The following MAP3K7 variants were observed in gnomAD, a reference collection of about 807,000 sequenced individuals.
MAP3K7 encodes the protein TGF-beta activated kinase 1.
Under a neutral mutation model 84.8 loss-of-function variants are expected in MAP3K7, and 21 were observed. That is an observed-to-expected ratio of 0.25 (90% CI 0.18 to 0.36). The LOEUF (loss-of-function observed/expected upper bound fraction) is 0.36, where lower values mean the gene tolerates loss of function less well. Ranked by LOEUF, MAP3K7 falls within the 10% of genes least tolerant of loss-of-function variation. The pLI, the probability that MAP3K7 is intolerant of heterozygous loss-of-function variation, is 1.00. For missense variants in MAP3K7, 503 were observed against 747.7 expected, an observed-to-expected ratio of 0.67 and a Z score of 3.82; for synonymous variants, 241 against 247.7, an observed-to-expected ratio of 0.97 and a Z score of 0.25.
At chr6:90,563,665 C>A (rs530373765) in intron 3 of MAP3K7, among the ~76,000 whole-genome samples, 7 of 152,316 alleles carry the variant, frequency 4.6e-5, no homozygotes, top group African/African-American at 1.2e-4. Flanking sequence ...TCCAGGAGAA[C>A]TTCCCCAACC....
chr6:90,561,057 A>G (rs1382057763), intron 4 of MAP3K7, among the ~76,000 whole-genome samples: 1 of 151,782 alleles, frequency 6.6e-6, no homozygotes, highest in East Asian at 1.9e-4. Flanking sequence ...AAATAATACT[A>G]ATTAAAAAAT....
At chr6:90,552,288 T>A in intron 7 of MAP3K7, 109 bp from the exon 8 acceptor site, 1 of 1,024,864 alleles carries the variant, frequency 9.8e-7, no homozygotes, top group Non-Finnish European at 1.4e-6. Flanking sequence ...ATCTTGTAGT[T>A]TAAGATCTGT....
chr6:90,557,789 C>G (rs1371159017), intron 5 of MAP3K7, among the ~76,000 whole-genome samples: 3 of 152,196 alleles, frequency 2.0e-5, no homozygotes, highest in African/African-American at 7.2e-5. Flanking sequence ...AAATTCAGGG[C>G]TCACTGAAAT....
rs779104023 is a variant in MAP3K7, at chr6:90,516,517, C to T, written c.1805G>A (p.Arg602Gln). Reference protein sequence around the residue: ...LEVIRSQQQKRQGTS With the variant: ...LEVIRSQQQKQQGTS ...CCCAGAGAATCATGAAGTGCCTTGTCGTTTCTGCTGCTGACTTCTGATGAC... is the reference window on the plus strand; with the variant it reads ...CCCAGAGAATCATGAAGTGCCTTGTTGTTTCTGCTGCTGACTTCTGATGAC... The change falls in exon 17 of 17, where the codon CGA (arginine) becomes CAA (glutamine). Residue 602 changes from arginine (R) to glutamine (Q), a missense_variant. Coordinates refer to ENST00000369329, the MANE Select transcript of MAP3K7 (RefSeq NM_145331.3). 12 of 1,611,498 alleles carry T rather than the reference C, an allele frequency of 7.4e-6. No homozygotes were observed. Among genetic ancestry groups the T allele is most frequent in the Non-Finnish European group, 1.0e-5 (12 of 1,178,808 alleles).
At chr6:90,533,943 T>A (rs1049262453) in intron 13 of MAP3K7, among the ~76,000 whole-genome samples, 1 of 152,192 alleles carries the variant, frequency 6.6e-6, no homozygotes, top group Non-Finnish European at 1.5e-5. Flanking sequence ...AAAACCATGT[T>A]TGAAAGTGAG....
At chr6:90,575,202 C>A (rs891027044) in intron 1 of MAP3K7, among the ~76,000 whole-genome samples, 1 of 151,744 alleles carries the variant, frequency 6.6e-6, no homozygotes, top group Admixed American at 6.6e-5. Context: ...AAGAATGGAC[C>A]CCTGCCTTCA....
chr6:90,569,182 G>A (rs989854219), intron 2 of MAP3K7, among the ~76,000 whole-genome samples: 1 of 152,196 alleles, frequency 6.6e-6, no homozygotes, highest in Non-Finnish European at 1.5e-5. Context: ...AGAGAGGGTT[G>A]AATGACCTGT....
intron 5 of MAP3K7, among the ~76,000 whole-genome samples, chr6:90,559,310 G>A (rs1429145143): frequency 6.6e-6 from 1 of 151,976 alleles, no homozygotes; most frequent in Non-Finnish European, 1.5e-5. Flanking sequence ...CAAGAGAATG[G>A]AATAACTGAA....
intron 12 of MAP3K7, chr6:90,537,049 A>C (rs1775703533): frequency 6.6e-6 from 1 of 152,044 alleles, no homozygotes; most frequent in Non-Finnish European, 1.5e-5. Flanking sequence ...CTGCTTTAGA[A>C]ACTTCTATGT....
chr6:90,522,668 A>G (rs1308525704), intron 14 of MAP3K7, among the ~76,000 whole-genome samples: 1 of 152,154 alleles, frequency 6.6e-6, no homozygotes, highest in Non-Finnish European at 1.5e-5. Context: ...AAAACTAGAG[A>G]GTACACCCTG....
In MAP3K7 at chr6:90,561,662, A is replaced by C; in HGVS notation, c.303T>G (p.Cys101Trp). Residue 101 changes from cysteine to tryptophan, a missense_variant, in exon 4 of 17, where the codon TGT (cysteine) becomes TGG (tryptophan). Cys to Trp is a radical substitution (Grantham distance 215). Transcript: ENST00000369329. ...CCCCTTCAGCATATTCCATCACAAG[A>C]CACACCTAAAGGAAACATATATCAG... is the stretch of plus-strand genomic sequence containing the variant. The part of the protein sequence containing the change: ...KLYGACLNPV[C>W]LVMEYAEGGS... 1 of 1,610,964 alleles carries C rather than the reference A, an allele frequency of 6.2e-7. No individual in the cohort carries two copies. The highest frequency in any genetic ancestry group is 1.7e-4 in the Middle Eastern group (1 of 6,052).
chr6:90,543,112 C>T (rs1170333203), intron 12 of MAP3K7, among the ~76,000 whole-genome samples: 3 of 151,982 alleles, frequency 2.0e-5, no homozygotes, highest in Non-Finnish European at 4.4e-5. Context: ...TAAATGCTTC[C>T]ACCTCTTTAA....
chr6:90,586,144 G>A (rs1270536845), intron 1 of MAP3K7, among the ~76,000 whole-genome samples: 2 of 151,824 alleles, frequency 1.3e-5, no homozygotes, highest in Admixed American at 6.6e-5. Flanking sequence ...AGGCCGAGGC[G>A]GGTGGATCAT....
At chr6:90,566,021 T>C (rs889520707) in intron 3 of MAP3K7, among the ~76,000 whole-genome samples, 3 of 152,180 alleles carry the variant, frequency 2.0e-5, no homozygotes, top group Non-Finnish European at 4.4e-5. Flanking sequence ...CAGCCCTTCA[T>C]GCTAAAAACT....
intron 7 of MAP3K7, 115 bp downstream of exon 7, chr6:90,553,343 G>C: frequency 9.3e-7 from 1 of 1,076,602 alleles, no homozygotes; most frequent in South Asian, 1.6e-5. Flanking sequence ...TCTTAACAAA[G>C]AATTGTACAT....
chr6:90,586,343 CAGTCCGGCCTGGGCGACAG>C (rs1181616480), intron 1 of MAP3K7, among the ~76,000 whole-genome samples: 1 of 134,988 alleles, frequency 7.4e-6, no homozygotes, highest in Non-Finnish European at 1.5e-5. Flanking sequence ...CTGCAGTCCG[CAGTCCGGCCTGGGCGACAG>C]AGCGAGACTC....
At chr6:90,536,516 T>C in intron 12 of MAP3K7, 115 bp from the exon 13 acceptor site, 1 of 698,828 alleles carries the variant, frequency 1.4e-6, no homozygotes, top group Non-Finnish European at 2.4e-6. Flanking sequence ...CACAAAATGT[T>C]TGTGGGGAAA....
chr6:90,565,538 C>G (rs1400004154), intron 3 of MAP3K7, among the ~76,000 whole-genome samples: 3 of 151,862 alleles, frequency 2.0e-5, no homozygotes, highest in South Asian at 2.1e-4. Context: ...CTGAATAGAC[C>G]AATAACAGGC....
chr6:90,545,616 TGACTCATGGA>T (rs1412308023), intron 11 of MAP3K7, among the ~76,000 whole-genome samples: 3 of 152,168 alleles, frequency 2.0e-5, no homozygotes, highest in Non-Finnish European at 4.4e-5. Flanking sequence ...GAAATACTTG[TGACTCATGGA>T]GACTCATGGG....
Sources: gnomAD v4.1 joint callset for allele counts (sites outside exome capture counted in the v4.1 genomes callset) on GRCh38, gnomAD v4.1.1 for gene constraint, MANE v1.5 for transcripts, NCBI Gene and HGNC (gene_info 2026-07-23, HGNC 2026-07-21) for gene names.